SORCS2: variants seen among roughly 807,000 people sequenced by gnomAD.
SORCS2 encodes sortilin related VPS10 domain containing receptor 2, also known as VPS10 domain-containing receptor SorCS2.
SORCS2 carries 100 observed loss-of-function variants against 141.6 expected under a neutral mutation model. The ratio of observed to expected loss-of-function variants is 0.71; its 90% CI spans 0.60 to 0.83. The LOEUF is 0.83. Ranked by LOEUF, SORCS2 falls within the 40% of genes least tolerant of loss-of-function variation. The pLI is 0.00. For missense variants in SORCS2, 1,646 were observed against 1,560.2 expected (o/e 1.05, Z -0.93); for synonymous variants, 789 against 676.9 (o/e 1.17, Z -2.57).
At chr4:7,328,719 C>CGGGA (rs1719444550) in intron 1 of SORCS2, among the ~76,000 whole-genome samples, 1 of 152,224 alleles carries the variant, frequency 6.6e-6, no homozygotes, top group Non-Finnish European at 1.5e-5. Flanking sequence ...CCCTGCTCCT[C>CGGGA]ACAGCTGCAA....
intron 2 of SORCS2, among the ~76,000 whole-genome samples, chr4:7,413,880 T>C (rs1479777011): frequency 6.6e-6 from 1 of 152,162 alleles, no homozygotes; most frequent in African/African-American, 2.4e-5. Context: ...GGTAAGCTCT[T>C]CTGTGTGCCC....
intron 1 of SORCS2, among the ~76,000 whole-genome samples, chr4:7,379,093 G>C (rs533302868): frequency 1.9e-4 from 29 of 152,328 alleles, no homozygotes; most frequent in Non-Finnish European, 3.1e-4. Flanking sequence ...GTGAGATTCT[G>C]TTGCCTCCTA....
At chr4:7,382,775 C>G (rs892818156) in intron 1 of SORCS2, among the ~76,000 whole-genome samples, 2 of 151,788 alleles carry the variant, frequency 1.3e-5, no homozygotes, top group South Asian at 4.2e-4. Context: ...TCCAGTGGCC[C>G]AGGGAGAGAA....
chr4:7,535,363 G>A (rs114788972), intron 3 of SORCS2, among the ~76,000 whole-genome samples: 6,939 of 152,278 alleles, frequency 0.046, 390 homozygotes, highest in African/African-American at 0.14. Context: ...GGGCACCGGG[G>A]AGCGGCAGGG....
intron 23 of SORCS2, 68 bp from the exon 24 acceptor site, chr4:7,733,254 A>G (rs1373836859): frequency 6.1e-5 from 57 of 941,444 alleles, no homozygotes; most frequent in Non-Finnish European, 7.6e-5. Context: ...GGAGGACCCC[A>G]TCCCCCTTCC....
intron 1 of SORCS2, among the ~76,000 whole-genome samples, chr4:7,268,565 C>T (rs1027614363): frequency 2.0e-5 from 3 of 152,314 alleles, no homozygotes; most frequent in South Asian, 4.1e-4. Context: ...TGCAAACCTC[C>T]GAGGGCCCAT....
intron 2 of SORCS2, among the ~76,000 whole-genome samples, chr4:7,518,264 G>C (rs1160998658): frequency 6.6e-6 from 1 of 152,210 alleles, no homozygotes; most frequent in Non-Finnish European, 1.5e-5. Context: ...ATCTAAGATA[G>C]ATTCCAGGTC....
At chr4:7,720,228 G>A (rs1726498932) in intron 18 of SORCS2, among the ~76,000 whole-genome samples, 1 of 152,164 alleles carries the variant, frequency 6.6e-6, no homozygotes, top group African/African-American at 2.4e-5. Context: ...AGGTCTGATA[G>A]AGGCCCCAGG....
At chr4:7,271,808 A>AT (rs1170920135) in intron 1 of SORCS2, among the ~76,000 whole-genome samples, 1 of 152,230 alleles carries the variant, frequency 6.6e-6, no homozygotes, top group Non-Finnish European at 1.5e-5. Flanking sequence ...AGTACGGCCT[A>AT]TGCCGGGGCC....
At chr4:7,303,434 C>T (rs1472487414) in intron 1 of SORCS2, among the ~76,000 whole-genome samples, 1 of 152,180 alleles carries the variant, frequency 6.6e-6, no homozygotes, top group African/African-American at 2.4e-5. Flanking sequence ...TTCATAATTC[C>T]TCTATGCCCC....
chr4:7,458,766 C>G (rs1216299545), intron 2 of SORCS2, among the ~76,000 whole-genome samples: 6 of 151,990 alleles, frequency 3.9e-5, no homozygotes, highest in African/African-American at 1.5e-4. Flanking sequence ...TCAGGCCACC[C>G]CAAGGGGGTC....
chr4:7,592,387 A>G (rs2108776995), intron 3 of SORCS2, among the ~76,000 whole-genome samples: 1 of 152,274 alleles, frequency 6.6e-6, no homozygotes, highest in South Asian at 2.1e-4. Flanking sequence ...TGGTGTCCTC[A>G]TTCAAGAAAC....
chr4:7,330,126 C>T (rs544684080), intron 1 of SORCS2, among the ~76,000 whole-genome samples: 6 of 151,890 alleles, frequency 4.0e-5, no homozygotes, highest in South Asian at 4.2e-4. Flanking sequence ...CTTCCATTGC[C>T]GCCTGTCCTG....
In SORCS2 at chr4:7,645,127, G is replaced by A. The variant is rs529425843; in HGVS notation, c.813+6635G>A. Reference sequence around the variant, plus strand: ...TATTACCTTGCTCACAGGAACCCACGGTGACGACTCGCTTTTTAGGCATCT... The same window carrying A: ...TATTACCTTGCTCACAGGAACCCACAGTGACGACTCGCTTTTTAGGCATCT... On this transcript the variant is annotated intron_variant, in intron 4 of 26. Coordinates refer to ENST00000507866, the MANE Select transcript of SORCS2 (RefSeq NM_020777.3). 8.5e-5 allele frequency among the ~76,000 whole-genome samples: 13 copies of A among 152,280 alleles called. No homozygotes were observed. In the South Asian group the frequency reaches 2.1e-3, roughly 24 times the overall value.
rs944304614 is a variant in SORCS2, at chr4:7,435,022, C to G, written c.548+38667C>G. The G allele has an allele frequency of 1.7e-5, 18 of 1,043,078 alleles. No homozygotes were observed. In the East Asian group the frequency reaches 4.7e-4, roughly 27 times the overall value. 64.6% of individuals were successfully genotyped at this position (1,043,078 alleles called of 1,614,324 possible). A position where few individuals can be genotyped will look rare whatever the true frequency, so the allele number is the denominator to read the frequency against. ...CACAGCCTGACTCACACCCTGTGCC[C>G]GGGGATTCCTGGCCTCTTCGCCTTT... On this transcript the variant is annotated intron_variant, in intron 2 of 26. Coordinates refer to ENST00000507866, the MANE Select transcript of SORCS2 (RefSeq NM_020777.3).
intron 1 of SORCS2, among the ~76,000 whole-genome samples, chr4:7,313,304 G>A (rs1372346941): frequency 6.6e-6 from 1 of 152,252 alleles, no homozygotes; most frequent in Non-Finnish European, 1.5e-5. Flanking sequence ...AGAAAATCAT[G>A]GAGTGCCTCC....
intron 4 of SORCS2, among the ~76,000 whole-genome samples, chr4:7,640,467 T>TGG: frequency 1.0e-5 from 1 of 99,680 alleles, no homozygotes; most frequent in African/African-American, 3.5e-5. Context: ...TATGAGCGTG[T>TGG]GTGTGTGTGT....
chr4:7,540,608 G>A (rs375944986), intron 3 of SORCS2, among the ~76,000 whole-genome samples: 1 of 152,234 alleles, frequency 6.6e-6, no homozygotes, highest in African/African-American at 2.4e-5. Flanking sequence ...GCGCTGCGCT[G>A]CATCCTGCTG....
chr4:7,349,023 C>T (rs964030606), intron 1 of SORCS2, among the ~76,000 whole-genome samples: 2 of 152,208 alleles, frequency 1.3e-5, no homozygotes, highest in African/African-American at 2.4e-5. Flanking sequence ...GGCTTCCATA[C>T]ACTTATTTGA....
Sources: gnomAD v4.1 joint callset for allele counts (sites outside exome capture counted in the v4.1 genomes callset) on GRCh38, gnomAD v4.1.1 for gene constraint, MANE v1.5 for transcripts, NCBI Gene and HGNC (gene_info 2026-07-23, HGNC 2026-07-21) for gene names.